Variants in ITGB3BP observed in about 807,000 individuals in gnomAD.
ITGB3BP encodes the protein integrin subunit beta 3 binding protein.
Under a neutral mutation model 29.1 loss-of-function variants are expected in ITGB3BP, and 27 were observed. The observed-to-expected ratio is 0.93, with a 90% confidence interval of 0.68 to 1.28. ITGB3BP has a LOEUF of 1.28. Among genes scored for constraint, ITGB3BP ranks in the 50% most tolerant of loss-of-function variants. The pLI is 0.00. For synonymous variants in ITGB3BP, 61 were observed against 61.4 expected (o/e 0.99, Z 0.03); for missense variants, 192 against 200.2 (o/e 0.96, Z 0.25).
At chr1:63,482,344 GTACC>G (rs1645453011) in intron 3 of ITGB3BP, among the ~76,000 whole-genome samples, 1 of 149,728 alleles carries the variant, frequency 6.7e-6, no homozygotes, top group African/African-American at 2.4e-5. Flanking sequence ...CTGCTTCTAG[GTACC>G]CATACTTTAT....
At chr1:63,504,080 T>C (rs1049693826) in intron 2 of ITGB3BP, among the ~76,000 whole-genome samples, 8 of 151,866 alleles carry the variant, frequency 5.3e-5, no homozygotes, top group African/African-American at 4.9e-5. Context: ...GGGGATGGCA[T>C]TGAATCTATA....
chr1:63,513,185 C>A (rs1051962664), intron 1 of ITGB3BP, among the ~76,000 whole-genome samples: 3 of 152,118 alleles, frequency 2.0e-5, no homozygotes, highest in African/African-American at 7.2e-5. Context: ...TATAAAGAGC[C>A]ACTAATGATC....
intron 4 of ITGB3BP, 57 bp downstream of exon 4, chr1:63,478,707 A>G: frequency 1.2e-6 from 1 of 825,690 alleles, no homozygotes; most frequent in Non-Finnish European, 2.0e-6. Flanking sequence ...CACTTTAACA[A>G]ATATGAACGT....
chr1:63,479,125 C>G (rs533544252), intron 3 of ITGB3BP, among the ~76,000 whole-genome samples: 2 of 151,854 alleles, frequency 1.3e-5, no homozygotes, highest in African/African-American at 2.4e-5. Flanking sequence ...CATTAGTAAA[C>G]TTTATTAGAT....
At chr1:63,522,196 T>C (rs1646466170) in intron 1 of ITGB3BP, among the ~76,000 whole-genome samples, 1 of 152,186 alleles carries the variant, frequency 6.6e-6, no homozygotes, top group Admixed American at 6.5e-5. Context: ...CGTAGATAAA[T>C]TGATTAATAC....
At chr1:63,459,727 A>G (rs962171805) in intron 4 of ITGB3BP, among the ~76,000 whole-genome samples, 4 of 152,146 alleles carry the variant, frequency 2.6e-5, no homozygotes, top group Middle Eastern at 3.2e-3. Context: ...TCCGGGTTTT[A>G]TAACAAGGGG....
At chr1:63,473,140 T>C (rs11580900) in intron 4 of ITGB3BP, among the ~76,000 whole-genome samples, 23,024 of 148,228 alleles carry the variant, frequency 0.16, 2,154 homozygotes, top group South Asian at 0.22. Flanking sequence ...CTGTCTGGGA[T>C]GTGAGGACCG....
chr1:63,449,559 C>A (rs571011461), intron 7 of ITGB3BP: 1 of 152,230 alleles, frequency 6.6e-6, no homozygotes, highest in African/African-American at 2.4e-5. Context: ...AATGACGAAT[C>A]GTGTAAAACA....
chr1:63,517,868 C>T (rs752168223), intron 1 of ITGB3BP, among the ~76,000 whole-genome samples: 2 of 152,002 alleles, frequency 1.3e-5, no homozygotes, highest in Non-Finnish European at 2.9e-5. Context: ...ACTACAGGCA[C>T]GTAACGTCAC....
At chr1:63,528,621 A>G (rs1182317433) in intron 2 of ITGB3BP, among the ~76,000 whole-genome samples, 2 of 152,146 alleles carry the variant, frequency 1.3e-5, no homozygotes, top group African/African-American at 2.4e-5. Context: ...CAGATACCCT[A>G]TTTACCCTGA....
intron 2 of ITGB3BP, among the ~76,000 whole-genome samples, chr1:63,504,590 A>T (rs1471248812): frequency 6.6e-6 from 1 of 152,154 alleles, no homozygotes; most frequent in Non-Finnish European, 1.5e-5. Context: ...GCCTTGTGCC[A>T]GTTTTCAAAG....
chr1:63,445,270 A>G (rs191062997), intron 8 of ITGB3BP, among the ~76,000 whole-genome samples: 12 of 145,596 alleles, frequency 8.2e-5, no homozygotes, highest in African/African-American at 3.2e-4. Context: ...TGAGTGACAG[A>G]GCAAGACTCC....
In ITGB3BP at chr1:63,490,184, C is replaced by T. The variant is rs1372730009; in HGVS notation, c.83G>A (p.Ser28Asn). 2 of 1,585,240 alleles carry T rather than the reference C, an allele frequency of 1.3e-6. No individual in the cohort carries two copies. The highest frequency in any genetic ancestry group is 2.2e-5 in the East Asian group (1 of 44,490). The change falls in exon 3 of 9, where the codon AGT becomes AAT. Residue 28 changes from serine (S) to asparagine (N), a missense_variant. Ser to Asn is a conservative substitution (Grantham distance 46). Coordinates refer to ENST00000271002, the MANE Select transcript of ITGB3BP (RefSeq NM_014288.5). Reference protein sequence around the residue: ...FDPSKITRKKSVITYSPTTGT... With the variant: ...FDPSKITRKKNVITYSPTTGT... ...AGTTGTTGGAGAATAAGTTATAACA[C>T]TTTTCTTCCTTGTGATTTTTGAAGG...
At chr1:63,461,369 C>G (rs988446379) in intron 4 of ITGB3BP, among the ~76,000 whole-genome samples, 4 of 151,756 alleles carry the variant, frequency 2.6e-5, no homozygotes, top group Non-Finnish European at 5.9e-5. Context: ...GACCTTAAAC[C>G]CTTATTAGAT....
chr1:63,466,645 A>T (rs1369926101), intron 4 of ITGB3BP, among the ~76,000 whole-genome samples: 1 of 152,258 alleles, frequency 6.6e-6, no homozygotes, highest in Non-Finnish European at 1.5e-5. Context: ...GATAAAACAA[A>T]GGCAAAAAGT....
At chr1:63,481,133 G>A (rs1645430032) in intron 3 of ITGB3BP, among the ~76,000 whole-genome samples, 1 of 151,350 alleles carries the variant, frequency 6.6e-6, no homozygotes, top group Non-Finnish European at 1.5e-5. Context: ...AGCAAAAAAT[G>A]TTAGGTAATA....
At chr1:63,510,134 G>A in intron 1 of ITGB3BP, 1 of 627,546 alleles carries the variant, frequency 1.6e-6, no homozygotes, top group Non-Finnish European at 3.0e-6. Context: ...ATGTTGCAGT[G>A]AACGGAAATC....
At chr1:63,483,870 A>G (rs1220421707) in intron 3 of ITGB3BP, among the ~76,000 whole-genome samples, 8 of 152,150 alleles carry the variant, frequency 5.3e-5, no homozygotes. Flanking sequence ...GCAGCCTAGG[A>G]ACAAAAGGCT....
chr1:63,461,995 C>A (rs1473637370), intron 4 of ITGB3BP, among the ~76,000 whole-genome samples: 1 of 152,040 alleles, frequency 6.6e-6, no homozygotes, highest in African/African-American at 2.4e-5. Context: ...TCCATTTCTG[C>A]AAAAAGTGCT....
Sources: allele counts gnomAD v4.1 joint callset (sites outside exome capture counted in the v4.1 genomes callset), GRCh38; gene constraint gnomAD v4.1.1; transcripts MANE v1.5; gene names NCBI Gene and HGNC (gene_info 2026-07-23, HGNC 2026-07-21).